PRKCH: variants seen among roughly 807,000 people sequenced by gnomAD.
PRKCH encodes protein kinase C eta.
Under a neutral mutation model 82.5 loss-of-function variants are expected in PRKCH, and 28 were observed. That is an observed-to-expected ratio of 0.34 (90% CI 0.25 to 0.47). The LOEUF (loss-of-function observed/expected upper bound fraction) is 0.47, where lower values mean the gene tolerates loss of function less well. PRKCH is among the 20% of genes least tolerant of loss of function. PRKCH has a pLI of 1.00. For missense variants in PRKCH, 705 were observed against 881.8 expected, an observed-to-expected ratio of 0.80 and a Z score of 2.54; for synonymous variants, 322 against 327.4, an observed-to-expected ratio of 0.98 and a Z score of 0.18.
chr14:61,333,962 CCAG>C (rs2045821324), intron 1 of PRKCH, among the ~76,000 whole-genome samples: 2 of 152,098 alleles, frequency 1.3e-5, no homozygotes, highest in Non-Finnish European at 2.9e-5. Context: ...TCCCCGTGAC[CCAG>C]CAGATTTTTT....
At chr14:61,251,773 A>G (rs1298878314) in intron 1 of PRKCH, among the ~76,000 whole-genome samples, 1 of 152,126 alleles carries the variant, frequency 6.6e-6, no homozygotes, top group Non-Finnish European at 1.5e-5. Context: ...TTTGAGGAAC[A>G]CTAAATCATT....
At chr14:61,209,086 G>A (rs2044549191) in intron 1 of PRKCH, among the ~76,000 whole-genome samples, 1 of 152,028 alleles carries the variant, frequency 6.6e-6, no homozygotes, top group Non-Finnish European at 1.5e-5. Flanking sequence ...TTGAGAGAGT[G>A]GGTTTGTTAT....
intron 1 of PRKCH, among the ~76,000 whole-genome samples, chr14:61,202,761 TAG>T (rs1327315376): frequency 3.3e-5 from 5 of 152,270 alleles, no homozygotes; most frequent in Non-Finnish European, 7.4e-5. Flanking sequence ...ATGGGAAGTA[TAG>T]AGAGTTCCTA....
chr14:61,294,860 C>T (rs1294334985), intron 1 of PRKCH, among the ~76,000 whole-genome samples: 1 of 152,000 alleles, frequency 6.6e-6, no homozygotes, highest in Non-Finnish European at 1.5e-5. Flanking sequence ...CTTTTTAATT[C>T]CTATACCTAT....
intron 2 of PRKCH, among the ~76,000 whole-genome samples, chr14:61,441,727 ATT>A (rs76602358): frequency 3.1e-3 from 397 of 127,014 alleles, no homozygotes; most frequent in African/African-American, 9.2e-3. Context: ...TCTGCTTTGT[ATT>A]TTTTTTTTTT....
intron 1 of PRKCH, among the ~76,000 whole-genome samples, chr14:61,240,417 C>T (rs10782444): frequency 0.94 from 142,305 of 152,172 alleles, 67,237 homozygotes; most frequent in Non-Finnish European, 1. Context: ...GCTTTTAATA[C>T]GCAAATGCGA....
intron 9 of PRKCH, chr14:61,462,949 A>G (rs1885094739): frequency 6.6e-6 from 1 of 152,262 alleles, no homozygotes; most frequent in Non-Finnish European, 1.5e-5. Context: ...GCTGACTCTG[A>G]CTCCATATGT....
At chr14:61,200,781 T>TA (rs1555368658) in intron 1 of PRKCH, among the ~76,000 whole-genome samples, 1 of 151,868 alleles carries the variant, frequency 6.6e-6, no homozygotes, top group African/African-American at 2.4e-5. Flanking sequence ...TCTATTTTAT[T>TA]ATTATTATTG....
At chr14:61,298,237 T>G (rs918802530) in intron 1 of PRKCH, 2 of 152,370 alleles carry the variant, frequency 1.3e-5, no homozygotes, top group Non-Finnish European at 2.9e-5. Context: ...GGTGTTAACG[T>G]TTCCCAGTCT....
At chr14:61,434,200 A>T (rs994607728) in intron 2 of PRKCH, among the ~76,000 whole-genome samples, 6 of 152,226 alleles carry the variant, frequency 3.9e-5, no homozygotes, top group African/African-American at 1.2e-4. Flanking sequence ...TACATTTTCA[A>T]GTATATAAAA....
chr14:61,447,467 C>A (rs1374435436), intron 4 of PRKCH, among the ~76,000 whole-genome samples: 1 of 152,188 alleles, frequency 6.6e-6, no homozygotes, highest in Non-Finnish European at 1.5e-5. Flanking sequence ...TAGAATACTT[C>A]ATCCAACAAC....
At chr14:61,480,131 A>G (rs1286803814) in intron 9 of PRKCH, among the ~76,000 whole-genome samples, 1 of 152,264 alleles carries the variant, frequency 6.6e-6, no homozygotes, top group Non-Finnish European at 1.5e-5. Context: ...GTGCAGGCTC[A>G]GTTTCTAGGA....
chr14:61,333,334 C>T (rs895114258), intron 1 of PRKCH, among the ~76,000 whole-genome samples: 2 of 152,108 alleles, frequency 1.3e-5, no homozygotes, highest in African/African-American at 4.8e-5. Flanking sequence ...ATTAGTAGCC[C>T]TCCTAAAGCC....
intron 10 of PRKCH, among the ~76,000 whole-genome samples, chr14:61,524,542 T>C (rs930851651): frequency 6.6e-6 from 1 of 152,208 alleles, no homozygotes; most frequent in Non-Finnish European, 1.5e-5. Context: ...CATGTTGGCA[T>C]AGGAAGCTGA....
At chr14:61,506,528 G>C (rs72712360) in intron 10 of PRKCH, among the ~76,000 whole-genome samples, 1,973 of 152,192 alleles carry the variant, frequency 0.013, 15 homozygotes, top group Non-Finnish European at 0.019. Flanking sequence ...TGGAAAGCTC[G>C]TCTTCTCTTC....
intron 10 of PRKCH, among the ~76,000 whole-genome samples, chr14:61,511,234 G>A (rs1033934208): frequency 3.3e-5 from 5 of 152,158 alleles, no homozygotes; most frequent in African/African-American, 4.8e-5. Context: ...CATTTGGTTC[G>A]GATGTAGAAT....
chr14:61,499,178 C>T (rs767285623), intron 10 of PRKCH, among the ~76,000 whole-genome samples: 8 of 152,182 alleles, frequency 5.3e-5, no homozygotes, highest in Non-Finnish European at 8.8e-5. Context: ...GCTGAGTACA[C>T]TGTGGTTTTA....
chr14:61,221,959 C>T (rs2044659330), intron 1 of PRKCH, among the ~76,000 whole-genome samples: 8 of 152,190 alleles, frequency 5.3e-5, no homozygotes, highest in Admixed American at 5.2e-4. Context: ...AGATTGCCAT[C>T]CCATGTGACC....
chr14:61,335,228 T>C lies in PRKCH; in HGVS notation c.363+12764T>C, dbSNP rs374417760. Among the ~76,000 whole-genome samples the C allele has an allele frequency of 1.4e-4, 21 of 152,126 alleles. 2 individuals are homozygous for C. Among genetic ancestry groups the C allele is most frequent in the Admixed American group, 1.3e-3 (20 of 15,276 alleles). On this transcript the variant is annotated intron_variant, in intron 1 of 13. Coordinates refer to ENST00000332981, the MANE Select transcript of PRKCH (RefSeq NM_006255.5). ...TTAGGGGTGGGGTAGGGTATAGTCT[T>C]GTTGGCGCCCTCAAATGACATCATA...
Sources: gnomAD v4.1 joint callset for allele counts (sites outside exome capture counted in the v4.1 genomes callset) on GRCh38, gnomAD v4.1.1 for gene constraint, MANE v1.5 for transcripts, NCBI Gene and HGNC (gene_info 2026-07-23, HGNC 2026-07-21) for gene names.